SNTG2: variants seen among roughly 807,000 people sequenced by gnomAD.
SNTG2 encodes the protein syntrophin gamma 2.
Under a neutral mutation model 70.9 loss-of-function variants are expected in SNTG2, and 74 were observed. The observed-to-expected ratio is 1.04, with a 90% confidence interval of 0.86 to 1.27. The LOEUF is 1.27. SNTG2 is among the 50% of genes most tolerant of loss of function. The pLI, the probability that SNTG2 is intolerant of heterozygous loss-of-function variation, is 0.00. For missense variants in SNTG2, 717 were observed against 690.7 expected, an observed-to-expected ratio of 1.04 and a Z score of -0.43; for synonymous variants, 278 against 273.8, an observed-to-expected ratio of 1.02 and a Z score of -0.15.
chr2:1,228,371 G>A (rs554226368), intron 9 of SNTG2, among the ~76,000 whole-genome samples: 89 of 152,290 alleles, frequency 5.8e-4, no homozygotes, highest in African/African-American at 2.0e-3. Context: ...CTGGGGGGAG[G>A]AGCGCCTCTC....
rs1043562521 is a variant in SNTG2, at chr2:1,097,498, G to A, written c.211-698G>A. Among the ~76,000 whole-genome samples, 3 of 152,132 alleles carry A rather than the reference G, an allele frequency of 2.0e-5. No homozygotes were observed. The highest frequency in any genetic ancestry group is 7.2e-5 in the African/African-American group (3 of 41,432). ...GGCTGCCTCTGTGCGCCCCCTCAGA[G>A]CAGCACCAGTCACTCATGTCTACCT... On this transcript the variant is annotated intron_variant, in intron 2 of 16. Coordinates refer to ENST00000308624, the MANE Select transcript of SNTG2 (RefSeq NM_018968.4). This position sits in a 1 kb window ranked among gnomAD's most constrained non-coding sequence, Gnocchi z 4.1.
rs534395876 is a variant in SNTG2, at chr2:1,121,580, C to G, written c.326-16042C>G. On this transcript the variant is annotated intron_variant, in intron 4 of 16. Coordinates refer to ENST00000308624, the MANE Select transcript of SNTG2 (RefSeq NM_018968.4). ...AAGGAAAGTGTTTGACTCACAGTTC[C>G]GCATGGCTGGGGAGGCGTCAGAAGA... Among the ~76,000 whole-genome samples the G allele has an allele frequency of 2.3e-3, 348 of 152,228 alleles. 1 individual carries two copies. The highest frequency in any genetic ancestry group is 3.7e-3 in the Non-Finnish European group (252 of 68,020).
intron 1 of SNTG2, among the ~76,000 whole-genome samples, chr2:1,069,497 A>AT (rs899427941): frequency 1.3e-5 from 2 of 151,852 alleles, no homozygotes; most frequent in Non-Finnish European, 2.9e-5. Flanking sequence ...AGGAAAAAAA[A>AT]AAAAACAAAA....
intron 1 of SNTG2, among the ~76,000 whole-genome samples, chr2:968,885 T>G (rs1280004357): frequency 6.6e-6 from 1 of 152,216 alleles, no homozygotes; most frequent in Non-Finnish European, 1.5e-5. Context: ...TAGGTCCTAT[T>G]TGTCAATGTT....
intron 6 of SNTG2, among the ~76,000 whole-genome samples, chr2:1,151,216 T>C (rs770512614): frequency 8.0e-4 from 11 of 13,756 alleles, no homozygotes; most frequent in Non-Finnish European, 2.8e-3. Flanking sequence ...TCAGCCCAAA[T>C]GTAAGGCATG....
chr2:1,028,645 C>T (rs1035478054), intron 1 of SNTG2, among the ~76,000 whole-genome samples: 8 of 152,048 alleles, frequency 5.3e-5, no homozygotes, highest in African/African-American at 1.4e-4. Context: ...ATGCTTTACT[C>T]GAAAAGACTC....
chr2:1,217,683 G>GTATGTAGAAATGTATGTACATTTCTGT (rs536800988), intron 9 of SNTG2, among the ~76,000 whole-genome samples: 2 of 152,088 alleles, frequency 1.3e-5, no homozygotes, highest in Admixed American at 6.6e-5. Flanking sequence ...GTAGTACATT[G>GTATGTAGAAATGTATGTACATTTCTGT]TATGTAGAAA....
At chr2:1,042,764 C>T (rs1437499270) in intron 1 of SNTG2, among the ~76,000 whole-genome samples, 1 of 152,126 alleles carries the variant, frequency 6.6e-6, no homozygotes, top group African/African-American at 2.4e-5. Flanking sequence ...TTTATCTGCT[C>T]CACTGTTGAT....
At chr2:1,151,299 C>T (rs147093429) in intron 6 of SNTG2, among the ~76,000 whole-genome samples, 19 of 146,510 alleles carry the variant, frequency 1.3e-4, no homozygotes, top group African/African-American at 3.3e-4. Context: ...ACCCTGGTGC[C>T]GGCGGGCTGC....
intron 6 of SNTG2, among the ~76,000 whole-genome samples, chr2:1,149,966 G>A (rs1226834826): frequency 6.6e-6 from 1 of 152,130 alleles, no homozygotes; most frequent in Non-Finnish European, 1.5e-5. Context: ...GGAATTACAG[G>A]CCTGAGCCAC....
intron 1 of SNTG2, among the ~76,000 whole-genome samples, chr2:955,965 G>C: frequency 6.7e-6 from 1 of 148,470 alleles, no homozygotes; most frequent in Non-Finnish European, 1.5e-5. Flanking sequence ...CCCTGCCCCT[G>C]CCCCTGCCCC....
At chr2:952,487 G>A (rs1300880445) in intron 1 of SNTG2, among the ~76,000 whole-genome samples, 2 of 152,212 alleles carry the variant, frequency 1.3e-5, no homozygotes, top group Non-Finnish European at 2.9e-5. Flanking sequence ...GCAACTGCGC[G>A]TATTCTAGTA....
At chr2:1,074,004 A>C (rs1351236140) in intron 1 of SNTG2, among the ~76,000 whole-genome samples, 1 of 152,146 alleles carries the variant, frequency 6.6e-6, no homozygotes, top group East Asian at 1.9e-4. Flanking sequence ...AATTTTGACA[A>C]GATAAAGATG....
intron 16 of SNTG2, among the ~76,000 whole-genome samples, chr2:1,352,513 G>A (rs941108313): frequency 3.9e-5 from 6 of 152,236 alleles, no homozygotes; most frequent in African/African-American, 1.4e-4. Flanking sequence ...AACCCTGCGA[G>A]TGTAAACTCA....
chr2:1,254,582 A>G (rs1677941477), intron 12 of SNTG2, among the ~76,000 whole-genome samples: 1 of 152,246 alleles, frequency 6.6e-6, no homozygotes, highest in Non-Finnish European at 1.5e-5. Flanking sequence ...GGAAAAAATA[A>G]TTCAAATGAA....
intron 1 of SNTG2, among the ~76,000 whole-genome samples, chr2:1,051,791 C>T (rs1466525156): frequency 6.6e-6 from 1 of 152,226 alleles, no homozygotes; most frequent in East Asian, 1.9e-4. Context: ...TCAAAGACGG[C>T]AGCACCCCCA....
chr2:1,226,676 T>C (rs1054892382), intron 9 of SNTG2, among the ~76,000 whole-genome samples: 6 of 152,160 alleles, frequency 3.9e-5, no homozygotes, highest in African/African-American at 1.2e-4. Flanking sequence ...AGGCTTCTTA[T>C]CTTAATTTTC....
At chr2:1,114,603 AG>A (rs1260239331) in intron 4 of SNTG2, among the ~76,000 whole-genome samples, 1 of 148,786 alleles carries the variant, frequency 6.7e-6, no homozygotes, top group Admixed American at 6.6e-5. Context: ...GATCGTGTGT[AG>A]TAAGTGAGGT....
chr2:1,341,229 A>G (rs1042120483), intron 16 of SNTG2: 2 of 152,202 alleles, frequency 1.3e-5, no homozygotes, highest in Non-Finnish European at 2.9e-5. Flanking sequence ...TTCTGTACAC[A>G]TCAGGAAGCT....
Sources: gnomAD v4.1 joint callset for allele counts (sites outside exome capture counted in the v4.1 genomes callset) on GRCh38, gnomAD v4.1.1 for gene constraint, Gnocchi (gnomAD v3.1) non-coding constraint, MANE v1.5 for transcripts, NCBI Gene and HGNC (gene_info 2026-07-23, HGNC 2026-07-21) for gene names.